PCDH20: variants seen among roughly 807,000 people sequenced by gnomAD.
PCDH20 encodes protocadherin 20, also known as protocadherin-20.
PCDH20 carries 18 observed loss-of-function variants against 39.7 expected under a neutral mutation model. The ratio of observed to expected loss-of-function variants is 0.45; its 90% CI spans 0.31 to 0.67. The LOEUF is 0.67. PCDH20 is among the 30% of genes least tolerant of loss of function. The pLI, the probability that PCDH20 is intolerant of heterozygous loss-of-function variation, is 0.05. For missense variants in PCDH20, 1,161 were observed against 1,167.4 expected (o/e 0.99, Z 0.08); for synonymous variants, 495 against 455.4 (o/e 1.09, Z -1.11).
chr13:61,412,411 T>C, exon 2 of PCDH20: 1 of 1,614,208 alleles, frequency 6.2e-7, no homozygotes, highest in Non-Finnish European at 8.5e-7. Context: ...CTCCTCGCTG[T>C]CGGCATCTGT....
exon 2 of PCDH20, chr13:61,411,292 A>G: frequency 1.9e-6 from 3 of 1,613,888 alleles, no homozygotes; most frequent in Non-Finnish European, 2.5e-6. Context: ...ATGCAAGTCA[A>G]TTTTTCCTTT....
rs766161040 is a variant in PCDH20 at position 61,413,609 on chromosome 13, C to G, written c.490G>C (p.Gly164Arg). The G allele has an allele frequency of 7.2e-5, 117 of 1,614,064 alleles. No homozygotes were observed. The highest frequency in any genetic ancestry group is 9.6e-5 in the Non-Finnish European group (113 of 1,180,050). Residue 164 changes from glycine to arginine, a missense_variant, in exon 2 of 2, where the codon GGC becomes CGC. Physicochemically the swap from Gly to Arg is moderately radical, Grantham distance 125 (BLOSUM62 -2). This residue lies in a region of PCDH20 where 401 missense variants were observed against 368.7 expected (regional missense o/e 1.09). Coordinates refer to ENST00000409204, the Ensembl canonical transcript of PCDH20. ...GGAGAGGAGGAGATGGAAACGCTGC[C>G]GCTCCACGCAGTCCCTCCACCCCCT...
chr13:61,412,466 C>T (rs1444132194), exon 2 of PCDH20: 5 of 1,614,000 alleles, frequency 3.1e-6, no homozygotes, highest in African/African-American at 2.7e-5. Context: ...TTGTTCTCTT[C>T]GATGGTTAGT....
At chr13:61,413,934 G>A in exon 2 of PCDH20, 1 of 1,612,454 alleles carries the variant, frequency 6.2e-7, no homozygotes, top group Non-Finnish European at 8.5e-7. Context: ...GGCAGCTGAA[G>A]GGTCCCACGA....
Position 61,411,729 on chromosome 13 carries a change from A to T in PCDH20, c.2370T>A (p.Pro790=), listed in dbSNP as rs747677836. 4.3e-6 allele frequency: 7 copies of T among 1,614,214 alleles called. No individual in the cohort carries two copies. In the South Asian group the frequency reaches 7.7e-5, roughly 18 times the overall value. ...GGTCAATCCTGAAGGACTCAGGCCT[A>T]GGACCTCTTCTCCCTATGATGCTGT... Residue 790 remains proline, a synonymous_variant, in exon 2 of 2, where the codon CCT becomes CCA. Transcript: ENST00000409204.
At chr13:61,411,358 C>T (rs922376706) in exon 2 of PCDH20, 3 of 1,613,854 alleles carry the variant, frequency 1.9e-6, no homozygotes, top group Admixed American at 3.3e-5. Flanking sequence ...TTCCCCTTTC[C>T]TTAAACAGAT....
chr13:61,412,357 T>C lies in PCDH20; in HGVS notation c.1742A>G (p.Tyr581Cys), dbSNP rs141639540. Residue 581 changes from tyrosine (Y) to cysteine (C), a missense_variant, in exon 2 of 2, where the codon TAT (tyrosine) becomes TGT (cysteine). By Grantham distance (194) the Tyr-to-Cys change is radical. Coordinates refer to ENST00000409204, the Ensembl canonical transcript of PCDH20. ...TCCTGTGACACTGTCTAAGGAAAAA[T>C]ATGATGGAGCATCAGGTCCCAGAAA... The C allele has an allele frequency of 1.9e-6, 3 of 1,614,126 alleles. No individual in the cohort carries two copies. Among genetic ancestry groups the C allele is most frequent in the Non-Finnish European group, 2.5e-6 (3 of 1,180,028 alleles).
chr13:61,411,719 A>T, exon 2 of PCDH20: 1 of 1,614,074 alleles, frequency 6.2e-7, no homozygotes. Flanking sequence ...ATCCTGAAGG[A>T]CTCAGGCCTA....
chr13:61,415,050 T>A, exon 1 of PCDH20: 1 of 1,543,304 alleles, frequency 6.5e-7, no homozygotes, highest in Non-Finnish European at 8.8e-7. Context: ...TAGCTGGTGC[T>A]GCTCCTGGGA....
chr13:61,413,810 C>G, exon 2 of PCDH20: 1 of 1,613,172 alleles, frequency 6.2e-7, no homozygotes, highest in South Asian at 1.1e-5. Flanking sequence ...TCCGGCCTCC[C>G]TGCAGACCTG....
chr13:61,411,016 T>TTTTAA, exon 2 of PCDH20: 1 of 292,304 alleles, frequency 3.4e-6, no homozygotes. Context: ...TTTTTTTTTT[T>TTTTAA]AAATACAAGT....
chr13:61,411,044 T>A (rs1214552078), exon 2 of PCDH20: 2 of 476,114 alleles, frequency 4.2e-6, no homozygotes, highest in Non-Finnish European at 7.5e-6. Flanking sequence ...CTGTTAGTAC[T>A]AATTTTCACT....
At chr13:61,415,244 C>A in exon 1 of PCDH20, 2 of 1,279,234 alleles carry the variant, frequency 1.6e-6, no homozygotes, top group Non-Finnish European at 1.0e-6. Context: ...GCTGGGGGAA[C>A]TTCAGCCAAT....
chr13:61,413,266 A>G (rs1179775632), exon 2 of PCDH20: 1 of 1,614,130 alleles, frequency 6.2e-7, no homozygotes. Flanking sequence ...TTCCCTGTCC[A>G]AAGCACCCAT....
At chr13:61,412,162 A>G in exon 2 of PCDH20, 1 of 1,614,050 alleles carries the variant, frequency 6.2e-7, no homozygotes. Flanking sequence ...AGGCACAAAA[A>G]AGCTGAAGTC....
At chr13:61,415,536 A>G (rs576885605), upstream of PCDH20, 2 of 165,658 alleles carry the variant, frequency 1.2e-5, no homozygotes, top group Admixed American at 6.4e-5. Flanking sequence ...ATAAGCTTGC[A>G]TTTGTATATG....
At chr13:61,415,558 GA>G (rs1871531937), upstream of PCDH20, 1 of 155,694 alleles carries the variant, frequency 6.4e-6, no homozygotes, top group Non-Finnish European at 1.4e-5. Flanking sequence ...ATGTAACAGA[GA>G]GAGGAAGTCG....
chr13:61,411,710 T>A (rs778334282), exon 2 of PCDH20: 1 of 1,614,154 alleles, frequency 6.2e-7, no homozygotes, highest in Non-Finnish European at 8.5e-7. Flanking sequence ...TTAGGGTCAA[T>A]CCTGAAGGAC....
At chr13:61,411,455 C>T (rs1434850828) in exon 2 of PCDH20, 1 of 1,614,110 alleles carries the variant, frequency 6.2e-7, no homozygotes, top group African/African-American at 1.3e-5. Flanking sequence ...GACACAGATT[C>T]TACCTTCCTA....
Sources: allele counts gnomAD v4.1 joint callset, GRCh38; gene constraint gnomAD v4.1.1; regional missense constraint gnomAD v4.1.1; transcripts MANE v1.5; gene names NCBI Gene and HGNC (gene_info 2026-07-23, HGNC 2026-07-21).